Variants in PPP2R1B observed in about 807,000 individuals in gnomAD.
PPP2R1B encodes the protein protein phosphatase 2 scaffold subunit Abeta.
PPP2R1B carries 58 observed loss-of-function variants against 72.7 expected under a neutral mutation model. The observed-to-expected ratio is 0.80, with a 90% CI of 0.65 to 0.99. PPP2R1B has a LOEUF of 0.99. Ranked by LOEUF, PPP2R1B falls within the 50% of genes least tolerant of loss-of-function variation. The pLI is 0.00. For missense variants in PPP2R1B, 695 were observed against 733.6 expected (o/e 0.95, Z 0.61); for synonymous variants, 256 against 264.6 (o/e 0.97, Z 0.32).
rs969613286 is a variant in PPP2R1B at position 111,747,880 on chromosome 11, G to A, written c.1399+74C>T. On this transcript the variant is annotated intron_variant, in intron 11 of 14. Transcript: ENST00000527614. ...AAGGCAAAATATCTGGTCAGACTGA[G>A]ATTCCTTTCTAAAAGGAAATGTATG... The A allele has an allele frequency of 4.3e-6, 6 of 1,410,224 alleles. No homozygotes were observed. In the African/African-American group the frequency reaches 8.6e-5, roughly 20 times the overall value. The allele number at this position is 1,410,224 out of a possible 1,614,324, so 87.4% of individuals were successfully genotyped here.
At chr11:111,712,380 G>C in the PPP2R1B span, 2 of 1,612,052 alleles carry the variant, frequency 1.2e-6, no homozygotes, top group Non-Finnish European at 1.7e-6. Context: ...CCAAAGGTAC[G>C]GCTATGTTTG....
At chr11:111,719,421 CCCTCTT>C in the PPP2R1B span, among the ~76,000 whole-genome samples, 3 of 147,426 alleles carry the variant, frequency 2.0e-5, no homozygotes, top group Admixed American at 2.0e-4. Context: ...CTCATCTTCC[CCCTCTT>C]CATTTCCCTT....
chr11:111,701,652 T>G, the PPP2R1B span: 1 of 1,530,294 alleles, frequency 6.5e-7, no homozygotes, highest in Non-Finnish European at 8.8e-7. This position sits in a 1 kb window ranked among gnomAD's most constrained non-coding sequence, Gnocchi z 4.2. Context: ...AAAAGCTTCT[T>G]TTTTTCTAAG....
At chr11:111,715,022 G>A in the PPP2R1B span, among the ~76,000 whole-genome samples, 4 of 152,248 alleles carry the variant, frequency 2.6e-5, no homozygotes, top group Non-Finnish European at 4.4e-5. Flanking sequence ...GTATTATATA[G>A]GGCAAGCTAT....
chr11:111,727,061 T>TAAGC, intron 15 of PPP2R1B: 1 of 1,613,156 alleles, frequency 6.2e-7, no homozygotes. Context: ...CTGGTCCCTG[T>TAAGC]AAGGCAAACA....
At chr11:111,715,793 C>CA in the PPP2R1B span, among the ~76,000 whole-genome samples, 39 of 81,592 alleles carry the variant, frequency 4.8e-4, no homozygotes, top group Non-Finnish European at 6.7e-4. Flanking sequence ...TCATTTTTAG[C>CA]TTTTTTTTTT....
chr11:111,766,002 G>T, intron 1 of PPP2R1B: 1 of 583,690 alleles, frequency 1.7e-6, no homozygotes, highest in Non-Finnish European at 3.2e-6. Flanking sequence ...ACAACCGCCC[G>T]GGAAGGGCAA....
At chr11:111,716,367 A>G in the PPP2R1B span, among the ~76,000 whole-genome samples, 3 of 152,080 alleles carry the variant, frequency 2.0e-5, no homozygotes, top group Non-Finnish European at 1.5e-5. Context: ...ACCTGAGGTC[A>G]GGAGTTCAAG....
In PPP2R1B at chr11:111,741,305, G is replaced by A; in HGVS notation, c.*291C>T. 1.7e-6 allele frequency: 2 copies of A among 1,209,526 alleles called. No individual in the cohort carries two copies. Among genetic ancestry groups the A allele is most frequent in the South Asian group, 2.4e-5 (1 of 41,178 alleles). 74.9% of individuals were successfully genotyped at this position (1,209,526 alleles called of 1,614,324 possible). On this transcript the variant is annotated 3_prime_UTR_variant, in exon 15 of 15. Coordinates refer to ENST00000527614, the MANE Select transcript of PPP2R1B (RefSeq NM_002716.5). ...TGTGGCTGGTGCCTGATTCCACAGT[G>A]AGGATGCAGGAGCCCAGGTGGTGAT...
At chr11:111,759,682 A>T in intron 5 of PPP2R1B, 122 bp downstream of exon 5, 1 of 1,099,986 alleles carries the variant, frequency 9.1e-7, no homozygotes, top group Non-Finnish European at 1.3e-6. Flanking sequence ...TAACCAGGCC[A>T]GAATCAGCAC....
At chr11:111,749,577 G>A (rs547175782) in intron 10 of PPP2R1B, among the ~76,000 whole-genome samples, 2 of 152,156 alleles carry the variant, frequency 1.3e-5, no homozygotes, top group East Asian at 1.9e-4. Flanking sequence ...GAGCCACTAC[G>A]CCTGGCCTAT....
Position 111,741,053 on chromosome 11 carries a change from C to G in PPP2R1B, c.*543G>C. 1 of 986,166 alleles carries G rather than the reference C, an allele frequency of 1.0e-6. No homozygotes were observed. Among genetic ancestry groups the G allele is most frequent in the Non-Finnish European group, 1.2e-6 (1 of 830,288 alleles). The allele number at this position is 986,166 out of a possible 1,614,324, so 61.1% of individuals were successfully genotyped here. ...TACATTAACCCTGAGCTTCCACATT[C>G]CCCTTTCACATGAGACTAATGCAGA... is the stretch of plus-strand genomic sequence containing the variant. On this transcript the variant is annotated 3_prime_UTR_variant, in exon 15 of 15. Coordinates refer to ENST00000527614, the MANE Select transcript of PPP2R1B (RefSeq NM_002716.5).
chr11:111,716,310 C>T, the PPP2R1B span, among the ~76,000 whole-genome samples: 41 of 152,064 alleles, frequency 2.7e-4, no homozygotes, highest in Non-Finnish European at 4.9e-4. Flanking sequence ...TGGCCAGGTG[C>T]GGTGGCTTAC....
chr11:111,712,377 T>A, the PPP2R1B span: 1 of 1,612,478 alleles, frequency 6.2e-7, no homozygotes, highest in Non-Finnish European at 8.5e-7. Flanking sequence ...ACTCCAAAGG[T>A]ACGGCTATGT....
chr11:111,690,682 A>G, the PPP2R1B span, among the ~76,000 whole-genome samples: 1 of 149,988 alleles, frequency 6.7e-6, no homozygotes, highest in East Asian at 2.0e-4. Context: ...TCATTGTTCA[A>G]CTCCCACTTA....
At chr11:111,712,503 G>A in the PPP2R1B span, 2 of 994,164 alleles carry the variant, frequency 2.0e-6, no homozygotes, top group African/African-American at 3.3e-5. Flanking sequence ...TGATGCTTTT[G>A]TGGAGAAAAA....
At chr11:111,712,679 G>GGTTT in the PPP2R1B span, among the ~76,000 whole-genome samples, 7 of 152,086 alleles carry the variant, frequency 4.6e-5, no homozygotes, top group Non-Finnish European at 5.9e-5. Flanking sequence ...ACAAGTGTTT[G>GGTTT]GTTTGTTTGT....
At chr11:111,746,085 A>T (rs1322853713) in intron 11 of PPP2R1B, among the ~76,000 whole-genome samples, 1 of 152,248 alleles carries the variant, frequency 6.6e-6, no homozygotes, top group African/African-American at 2.4e-5. Context: ...CATAGAGAAG[A>T]CAATCTTACA....
At chr11:111,762,788 G>A (rs1425643402) in intron 3 of PPP2R1B, among the ~76,000 whole-genome samples, 1 of 152,004 alleles carries the variant, frequency 6.6e-6, no homozygotes. Flanking sequence ...TCCTCCTGCT[G>A]CTTTGGCCTC....
Sources: allele counts gnomAD v4.1 joint callset (sites outside exome capture counted in the v4.1 genomes callset), GRCh38; gene constraint gnomAD v4.1.1; non-coding constraint Gnocchi (gnomAD v3.1); transcripts MANE v1.5; gene names NCBI Gene and HGNC (gene_info 2026-07-23, HGNC 2026-07-21).